Variants in XXYLT1 observed in about 807,000 individuals in gnomAD.
The protein encoded by XXYLT1 is UDP-xylose:alpha-xyloside alpha-1,3-xylosyltransferase.
Under a neutral mutation model 28.9 loss-of-function variants are expected in XXYLT1, and 20 were observed. That is an observed-to-expected ratio of 0.69 (90% CI 0.49 to 1.00). The LOEUF (loss-of-function observed/expected upper bound fraction) is 1.00. Among genes scored for constraint, XXYLT1 ranks in the 50% least tolerant of loss-of-function variants. The pLI is 0.00. For synonymous variants in XXYLT1, 257 were observed against 253.8 expected (o/e 1.01, Z -0.12); for missense variants, 542 against 560.1 (o/e 0.97, Z 0.33).
Position 195,270,699 on chromosome 3 carries a change from G to C in XXYLT1, c.360C>G (p.Val120=), listed in dbSNP as rs774276940. The C allele has an allele frequency of 1.9e-6, 3 of 1,588,970 alleles. No individual in the cohort carries two copies. Among genetic ancestry groups the C allele is most frequent in the Non-Finnish European group, 2.6e-6 (3 of 1,172,434 alleles). ...CGAGGCGCAGCAGTGAGCGCAGCGC[G>C]ACGCGGGCCTTGGCCTGCAGCGCGG... is the stretch of plus-strand genomic sequence containing the variant. ...HNAALQAKAR[V]ALRSLLRLAK... Residue 120 remains valine (V), a synonymous_variant, in exon 1 of 4, where the codon GTC becomes GTG. Transcript: ENST00000310380.
chr3:195,156,718 C>A, intron 2 of XXYLT1, 137 bp from the exon 3 acceptor site: 1 of 1,189,150 alleles, frequency 8.4e-7, no homozygotes, highest in Non-Finnish European at 1.2e-6. Flanking sequence ...ACAGTTACCG[C>A]TGGAACAAAA....
chr3:195,121,300 T>G (rs1404529412), intron 3 of XXYLT1, among the ~76,000 whole-genome samples: 1 of 152,174 alleles, frequency 6.6e-6, no homozygotes, highest in Non-Finnish European at 1.5e-5. Context: ...CAGCGTGTGA[T>G]TCAAAGGACA....
intron 2 of XXYLT1, among the ~76,000 whole-genome samples, chr3:195,174,384 G>T (rs1721555418): frequency 6.6e-6 from 1 of 152,076 alleles, no homozygotes; most frequent in Non-Finnish European, 1.5e-5. Flanking sequence ...GGTCACCCAG[G>T]CTAGAGTGCA....
intron 3 of XXYLT1, among the ~76,000 whole-genome samples, chr3:195,154,315 T>C (rs1720444315): frequency 6.6e-6 from 1 of 152,070 alleles, no homozygotes; most frequent in Non-Finnish European, 1.5e-5. Context: ...CTCAAGCATG[T>C]GCACTAGGAG....
At chr3:195,185,268 G>C (rs1332913010) in intron 2 of XXYLT1, among the ~76,000 whole-genome samples, 5 of 152,150 alleles carry the variant, frequency 3.3e-5, no homozygotes, top group Admixed American at 6.5e-5. Flanking sequence ...CAGTGTCTTA[G>C]AACTTAGACT....
At chr3:195,156,651 T>C in intron 2 of XXYLT1, 70 bp from the exon 3 acceptor site, 1 of 1,577,446 alleles carries the variant, frequency 6.3e-7, no homozygotes, top group South Asian at 1.2e-5. Flanking sequence ...GGACAGAAAA[T>C]GAAGTGGAGG....
At chr3:195,254,550 G>A (rs1387939161) in intron 1 of XXYLT1, among the ~76,000 whole-genome samples, 1 of 152,242 alleles carries the variant, frequency 6.6e-6, no homozygotes, top group Non-Finnish European at 1.5e-5. Flanking sequence ...TGTTTCCCAA[G>A]GTGAAGCATC....
chr3:195,113,564 C>A (rs1717892022), intron 3 of XXYLT1, among the ~76,000 whole-genome samples: 1 of 152,178 alleles, frequency 6.6e-6, no homozygotes, highest in Non-Finnish European at 1.5e-5. Context: ...CAGTGTGAAC[C>A]CAGCACTCAC....
chr3:195,164,846 ATTAG>A (rs763894942), intron 2 of XXYLT1, among the ~76,000 whole-genome samples: 95 of 152,222 alleles, frequency 6.2e-4, no homozygotes, highest in African/African-American at 2.1e-3. Flanking sequence ...GCAAACACAA[ATTAG>A]TTAGTGCTGA....
At chr3:195,221,003 G>GTACC (rs1723800051) in intron 2 of XXYLT1, among the ~76,000 whole-genome samples, 1 of 152,160 alleles carries the variant, frequency 6.6e-6, no homozygotes, top group African/African-American at 2.4e-5. Context: ...GATAAACCAT[G>GTACC]TACCCTTGAT....
chr3:195,132,809 T>C (rs1718969444), intron 3 of XXYLT1, among the ~76,000 whole-genome samples: 1 of 152,230 alleles, frequency 6.6e-6, no homozygotes, highest in African/African-American at 2.4e-5. Flanking sequence ...CTTTCATAAA[T>C]ATATGGAACA....
At chr3:195,106,398 C>A (rs1717089256) in intron 3 of XXYLT1, among the ~76,000 whole-genome samples, 1 of 151,730 alleles carries the variant, frequency 6.6e-6, no homozygotes, top group Admixed American at 6.5e-5. Context: ...CCCCAACCCC[C>A]TGAAAGGTTC....
intron 3 of XXYLT1, among the ~76,000 whole-genome samples, chr3:195,117,468 T>A (rs1411288298): frequency 6.6e-6 from 1 of 152,246 alleles, no homozygotes; most frequent in Non-Finnish European, 1.5e-5. Flanking sequence ...ATCTCATTTT[T>A]ATAAAACAAT....
chr3:195,075,553 G>A (rs1715066490), intron 3 of XXYLT1, among the ~76,000 whole-genome samples: 1 of 152,234 alleles, frequency 6.6e-6, no homozygotes, highest in African/African-American at 2.4e-5. Flanking sequence ...AGGCGAGGCA[G>A]CACCGCTCAG....
rs1402185391 is a variant in XXYLT1 at position 195,257,139 on chromosome 3, G to A, written c.504+13416C>T. Among the ~76,000 whole-genome samples the A allele has an allele frequency of 2.0e-5, 3 of 152,172 alleles. No individual in the cohort carries two copies. Among genetic ancestry groups the A allele is most frequent in the South Asian group, 2.1e-4 (1 of 4,830 alleles). On this transcript the variant is annotated intron_variant, in intron 1 of 3. Transcript: ENST00000310380. This position sits in a 1 kb window ranked among gnomAD's most constrained non-coding sequence, Gnocchi z 4.3. Reference sequence around the variant, plus strand: ...TAAGCGGCCAAGGACGCCATGTCCCGCAAGTCTGAGCAGCATGTGCACAGG... The same window carrying A: ...TAAGCGGCCAAGGACGCCATGTCCCACAAGTCTGAGCAGCATGTGCACAGG...
In XXYLT1 at chr3:195,151,320, G is replaced by C. The variant is rs528712798; in HGVS notation, c.785+5129C>G. Reference sequence around the variant, plus strand: ...GTACTTTGGGAGGCTGAGGCGGGCGGATCACTTGAGGTCAGCAGTTCGAGA... The same window carrying C: ...GTACTTTGGGAGGCTGAGGCGGGCGCATCACTTGAGGTCAGCAGTTCGAGA... On this transcript the variant is annotated intron_variant, in intron 3 of 3. Coordinates refer to ENST00000310380, the MANE Select transcript of XXYLT1 (RefSeq NM_152531.5). Among the ~76,000 whole-genome samples the C allele has an allele frequency of 3.2e-4, 48 of 152,144 alleles. No individual in the cohort carries two copies. In the South Asian group the frequency reaches 8.3e-3, roughly 26 times the overall value.
Position 195,177,763 on chromosome 3 carries a change from AAAAAAAAT to A in XXYLT1, c.653-21190_653-21183del, listed in dbSNP as rs753257563. On this transcript the variant is annotated intron_variant, in intron 2 of 3. Transcript: ENST00000310380. ...CAACACAGCAAGATCCCATCTCTAC[AAAAAAAAT>A]AAAAAAATAAAAAATAAAAAAATTA... Among the ~76,000 whole-genome samples, 6 of 151,886 alleles carry A rather than the reference AAAAAAAAT, an allele frequency of 4.0e-5. No homozygotes were observed. The South Asian group carries it at 8.3e-4, about 21-fold the overall frequency.
intron 2 of XXYLT1, among the ~76,000 whole-genome samples, chr3:195,211,132 G>A (rs531376292): frequency 5.3e-5 from 8 of 152,342 alleles, no homozygotes; most frequent in South Asian, 4.1e-4. Flanking sequence ...GGTAGCTCAC[G>A]CCTGTAATCC....
At chr3:195,211,370 G>A (rs923354952) in intron 2 of XXYLT1, among the ~76,000 whole-genome samples, 12 of 152,202 alleles carry the variant, frequency 7.9e-5, no homozygotes, top group Non-Finnish European at 1.8e-4. Context: ...TCCAGGCTGG[G>A]TGACAGAGCA....
Sources: allele counts gnomAD v4.1 joint callset (sites outside exome capture counted in the v4.1 genomes callset), GRCh38; gene constraint gnomAD v4.1.1; non-coding constraint Gnocchi (gnomAD v3.1); transcripts MANE v1.5; gene names NCBI Gene and HGNC (gene_info 2026-07-23, HGNC 2026-07-21).